Variants in C21orf58 observed in about 807,000 individuals in gnomAD.
C21orf58 encodes the protein uncharacterized protein C21orf58.
Under a neutral mutation model 35.8 loss-of-function variants are expected in C21orf58, and 34 were observed. The ratio of observed to expected loss-of-function variants is 0.95; its 90% CI spans 0.72 to 1.26. The LOEUF (loss-of-function observed/expected upper bound fraction) is 1.26. Among genes scored for constraint, C21orf58 ranks in the 50% most tolerant of loss-of-function variants. The probability of loss-of-function intolerance (pLI) is 0.00; values close to 1 mark genes in which losing one functional copy is unlikely to be tolerated. For missense variants in C21orf58, 440 were observed against 414.3 expected (o/e 1.06, Z -0.54); for synonymous variants, 191 against 175.8 (o/e 1.09, Z -0.68).
intron 1 of C21orf58, chr21:46,318,597 A>G: frequency 8.9e-7 from 1 of 1,118,260 alleles, no homozygotes; most frequent in Non-Finnish European, 1.1e-6. Flanking sequence ...CCTCCCTCCT[A>G]GGGACCCTCA....
At chr21:46,300,751 A>G (rs2082080790), downstream of C21orf58, 16 of 1,289,220 alleles carry the variant, frequency 1.2e-5, no homozygotes, top group African/African-American at 1.5e-4. Context: ...GCACTGGGAC[A>G]GGGTTCCTCC....
At chr21:46,322,608 G>C in intron 1 of C21orf58, 31 bp downstream of exon 1, 1 of 1,481,818 alleles carries the variant, frequency 6.7e-7, no homozygotes, top group Non-Finnish European at 9.0e-7. Flanking sequence ...CCGAGTCTGG[G>C]AACCAGGAGA....
chr21:46,321,094 A>G (rs967387991), intron 1 of C21orf58, among the ~76,000 whole-genome samples: 2 of 152,152 alleles, frequency 1.3e-5, no homozygotes, highest in African/African-American at 2.4e-5. Context: ...AAGATAGTAC[A>G]TGGAGATCCC....
Position 46,301,802 on chromosome 21 carries a change from C to A in C21orf58, c.*197G>T. 1.6e-6 allele frequency: 2 copies of A among 1,246,184 alleles called. No individual in the cohort carries two copies. The highest frequency in any genetic ancestry group is 3.5e-5 in the South Asian group (1 of 28,172). 77.2% of individuals were successfully genotyped at this position (1,246,184 alleles called of 1,614,324 possible). A position where few individuals can be genotyped will look rare whatever the true frequency, so the allele number is the denominator to read the frequency against. On this transcript the variant is annotated 3_prime_UTR_variant, in exon 8 of 8. Coordinates refer to ENST00000291691, the MANE Select transcript of C21orf58 (RefSeq NM_058180.5). Reference sequence around the variant, plus strand: ...TGCAGGGGACCCGGAGCAAGGGATGCCCCCTGGAATGGCCCCGTGACCAGA... The same window carrying A: ...TGCAGGGGACCCGGAGCAAGGGATGACCCCTGGAATGGCCCCGTGACCAGA...
intron 6 of C21orf58, among the ~76,000 whole-genome samples, chr21:46,303,703 C>CT (rs2082232193): frequency 1.8e-5 from 1 of 55,162 alleles, no homozygotes; most frequent in East Asian, 5.7e-4. Flanking sequence ...CACACACACA[C>CT]ACAAAATATA....
chr21:46,315,515 T>A lies in C21orf58; in HGVS notation c.403A>T (p.Thr135Ser). The A allele has an allele frequency of 6.2e-7, 1 of 1,612,418 alleles. No homozygotes were observed. Among genetic ancestry groups the A allele is most frequent in the South Asian group, 1.1e-5 (1 of 91,064 alleles). Residue 135 changes from threonine to serine, a missense_variant, in exon 4 of 8, where the codon ACT (threonine) becomes TCT (serine). Thr to Ser is a moderately conservative substitution (Grantham distance 58). Transcript: ENST00000291691. ...AGGTCCCTCCTTCTCTTCAGAGCAGTCTGCAGGGCATCGTCCGGCCGGTCC... is the reference window on the plus strand; with the variant it reads ...AGGTCCCTCCTTCTCTTCAGAGCAGACTGCAGGGCATCGTCCGGCCGGTCC... ...NEDRPDDALQ[T>S]ALKRRRDLLQ...
chr21:46,311,970 C>CCATCCACCCAT (rs1569128843), intron 5 of C21orf58, among the ~76,000 whole-genome samples: 2 of 82,788 alleles, frequency 2.4e-5, no homozygotes, highest in Non-Finnish European at 4.9e-5. Context: ...CACCCACCCA[C>CCATCCACCCAT]CCACCCATCC....
intron 3 of C21orf58, 30 bp downstream of exon 3, chr21:46,317,178 G>A (rs1461087562): frequency 6.2e-7 from 1 of 1,601,792 alleles, no homozygotes; most frequent in South Asian, 1.1e-5. Flanking sequence ...GTCTGTCTGT[G>A]CTGGTTCCAA....
At chr21:46,300,596 T>A (rs1011563152), downstream of C21orf58, 2 of 1,148,096 alleles carry the variant, frequency 1.7e-6, no homozygotes, top group African/African-American at 3.2e-5. Context: ...AAGTGAGTGT[T>A]ACTGCCAGTA....
chr21:46,322,801 G>C lies in C21orf58; in HGVS notation c.-63C>G. On this transcript the variant is annotated 5_prime_UTR_variant, in exon 1 of 8. The change creates a new upstream start codon in the 5' untranslated region. Coordinates refer to ENST00000291691, the MANE Select transcript of C21orf58 (RefSeq NM_058180.5). The stretch of plus-strand genomic sequence containing the variant: ...AAAAAAGAAAAAAAATTCTGAGCGA[G>C]ATTCCAGGGCTTCCTGAGGGCGCGT... 2 of 1,167,352 alleles carry C rather than the reference G, an allele frequency of 1.7e-6. No individual in the cohort carries two copies. Among genetic ancestry groups the C allele is most frequent in the Non-Finnish European group, 2.3e-6 (2 of 874,866 alleles). 72.3% of individuals were successfully genotyped at this position (1,167,352 alleles called of 1,614,324 possible).
At chr21:46,300,803 G>A (rs2082082596), downstream of C21orf58, 1 of 1,287,294 alleles carries the variant, frequency 7.8e-7, no homozygotes, top group African/African-American at 1.5e-5. Flanking sequence ...TCCTAATAGG[G>A]GGTGAATGAA....
chr21:46,317,585 T>A (rs1246757265), intron 2 of C21orf58, among the ~76,000 whole-genome samples: 1 of 152,176 alleles, frequency 6.6e-6, no homozygotes, highest in Admixed American at 6.5e-5. Flanking sequence ...TCCCAGCCAG[T>A]GCATGCCTAG....
At chr21:46,308,157 T>C (rs2082507766) in intron 6 of C21orf58, among the ~76,000 whole-genome samples, 1 of 151,744 alleles carries the variant, frequency 6.6e-6, no homozygotes, top group Non-Finnish European at 1.5e-5. Context: ...CCGCACCTGC[T>C]GATTTAACTT....
chr21:46,300,981 T>A, downstream of C21orf58: 1 of 774,124 alleles, frequency 1.3e-6, no homozygotes. Flanking sequence ...CTGAGGGGAG[T>A]GAGCCGCCCT....
At chr21:46,302,202 C>G in intron 7 of C21orf58, 48 bp from the exon 8 acceptor site, 1 of 1,434,690 alleles carries the variant, frequency 7.0e-7, no homozygotes, top group African/African-American at 1.4e-5. Flanking sequence ...GGCTGCTCCC[C>G]ACCTCCACTC....
intron 6 of C21orf58, among the ~76,000 whole-genome samples, chr21:46,303,953 G>A (rs1285966804): frequency 2.8e-5 from 4 of 143,138 alleles, no homozygotes; most frequent in Admixed American, 7.2e-5. Flanking sequence ...GGGTTTCACC[G>A]TGTTAGCCAG....
At chr21:46,319,191 TCA>T (rs1268066094) in intron 1 of C21orf58, 2 of 152,344 alleles carry the variant, frequency 1.3e-5, no homozygotes, top group Non-Finnish European at 2.9e-5. Context: ...GAGGTCAGGC[TCA>T]CAGAGGCAGC....
chr21:46,322,775 A>G lies in C21orf58; in HGVS notation c.-37T>C, dbSNP rs749587754. ...CTGGGCGTCGCAGCGAGACTGTCTCAAAAAAAGAAAAAAAATTCTGAGCGA... is the reference window on the plus strand; with the variant it reads ...CTGGGCGTCGCAGCGAGACTGTCTCGAAAAAAGAAAAAAAATTCTGAGCGA... On this transcript the variant is annotated 5_prime_UTR_variant, in exon 1 of 8. Transcript: ENST00000291691. 2 of 1,339,306 alleles carry G rather than the reference A, an allele frequency of 1.5e-6. No homozygotes were observed. Among genetic ancestry groups the G allele is most frequent in the South Asian group, 1.6e-5 (1 of 63,392 alleles). 83.0% of individuals were successfully genotyped at this position (1,339,306 alleles called of 1,614,324 possible).
chr21:46,306,132 G>A (rs768965411), intron 6 of C21orf58, among the ~76,000 whole-genome samples: 10 of 151,796 alleles, frequency 6.6e-5, no homozygotes, highest in Admixed American at 1.3e-4. Context: ...GGCAAGCCCA[G>A]TGCAATCACA....
Sources: allele counts gnomAD v4.1 joint callset (sites outside exome capture counted in the v4.1 genomes callset), GRCh38; gene constraint gnomAD v4.1.1; transcripts MANE v1.5; gene names NCBI Gene and HGNC (gene_info 2026-07-23, HGNC 2026-07-21).